Variants in ASAP1 observed in about 807,000 individuals in gnomAD.
The protein encoded by ASAP1 is ArfGAP with SH3 domain, ankyrin repeat and PH domain 1, also known as arf-GAP with SH3 domain, ANK repeat and PH domain-containing protein 1.
A neutral mutation model predicts 145.2 loss-of-function variants in ASAP1; 43 were observed. That is an observed-to-expected ratio of 0.30 (90% CI 0.23 to 0.38). ASAP1 has a LOEUF of 0.38. ASAP1 is among the 10% of genes least tolerant of loss of function. The probability of loss-of-function intolerance (pLI) is 1.00; values close to 1 mark genes in which losing one functional copy is unlikely to be tolerated. For synonymous variants in ASAP1, 546 were observed against 515.5 expected (o/e 1.06, Z -0.80); for missense variants, 1,018 against 1,355.3 (o/e 0.75, Z 3.91).
intron 29 of ASAP1, among the ~76,000 whole-genome samples, chr8:130,055,602 T>A (rs2097402254): frequency 6.6e-6 from 1 of 152,056 alleles, no homozygotes; most frequent in South Asian, 2.1e-4. Context: ...GGAAGAATAC[T>A]GTGAAAGTTT....
chr8:130,407,190 T>A (rs531990961), intron 1 of ASAP1, among the ~76,000 whole-genome samples: 146 of 152,318 alleles, frequency 9.6e-4, no homozygotes, highest in African/African-American at 3.2e-3. Flanking sequence ...TAGAAGAAGC[T>A]GAAACTCAGA....
chr8:130,177,929 T>C (rs1814078639), intron 9 of ASAP1, among the ~76,000 whole-genome samples: 2 of 152,208 alleles, frequency 1.3e-5, no homozygotes, highest in Non-Finnish European at 2.9e-5. Context: ...TGCTACAGAA[T>C]CGTAACCCAG....
chr8:130,144,300 G>A (rs1385964848), intron 13 of ASAP1, among the ~76,000 whole-genome samples: 1 of 152,008 alleles, frequency 6.6e-6, no homozygotes, highest in African/African-American at 2.4e-5. Flanking sequence ...ACAATTTTTT[G>A]AAAAACTGAG....
chr8:130,163,347 T>A (rs373211583), intron 11 of ASAP1, among the ~76,000 whole-genome samples: 2 of 152,360 alleles, frequency 1.3e-5, no homozygotes, highest in African/African-American at 4.8e-5. Context: ...GTTCCTTATA[T>A]ATTTATTACT....
intron 3 of ASAP1, among the ~76,000 whole-genome samples, chr8:130,250,571 T>C (rs898307144): frequency 2.0e-5 from 3 of 152,174 alleles, no homozygotes; most frequent in Non-Finnish European, 4.4e-5. Flanking sequence ...CAATTGTTTA[T>C]TCATCAAAAC....
chr8:130,148,942 C>T (rs1342816172), intron 13 of ASAP1, among the ~76,000 whole-genome samples: 1 of 151,892 alleles, frequency 6.6e-6, no homozygotes, highest in Admixed American at 6.6e-5. Context: ...TCAAGCGATC[C>T]TCCCACTTCA....
rs572465881 is a variant in ASAP1 at position 130,406,337 on chromosome 8, G to A, written c.-27-4367C>T. 2.0e-5 allele frequency among the ~76,000 whole-genome samples: 3 copies of A among 152,298 alleles called. No individual in the cohort carries two copies. In the East Asian group the frequency reaches 5.8e-4, roughly 29 times the overall value. On this transcript the variant is annotated intron_variant, in intron 1 of 29. Transcript: ENST00000518721. Reference sequence around the variant, plus strand: ...GGCACTGGATGATGATGATGATAATGATGATGACAGCTTCCTTGCCAGATC... The same window carrying A: ...GGCACTGGATGATGATGATGATAATAATGATGACAGCTTCCTTGCCAGATC...
intron 11 of ASAP1, among the ~76,000 whole-genome samples, chr8:130,164,946 C>T (rs1185686658): frequency 1.3e-5 from 2 of 152,182 alleles, no homozygotes; most frequent in African/African-American, 2.4e-5. Flanking sequence ...CACATTTAAT[C>T]TCAGTCATGA....
chr8:130,349,836 CA>C (rs1289957032), intron 3 of ASAP1, among the ~76,000 whole-genome samples: 2 of 152,146 alleles, frequency 1.3e-5, no homozygotes, highest in African/African-American at 4.8e-5. Context: ...ACTCAAAAAG[CA>C]ATGTCATTTA....
At chr8:130,229,702 A>C (rs917844224) in intron 4 of ASAP1, among the ~76,000 whole-genome samples, 7 of 152,112 alleles carry the variant, frequency 4.6e-5, no homozygotes, top group Non-Finnish European at 1.0e-4. Context: ...TTTTATATTC[A>C]CCTTTAACAG....
chr8:130,407,353 T>C (rs1178650653), intron 1 of ASAP1, among the ~76,000 whole-genome samples: 1 of 152,210 alleles, frequency 6.6e-6, no homozygotes, highest in Non-Finnish European at 1.5e-5. Flanking sequence ...CATCCCTAAC[T>C]GCCCAGACAC....
chr8:130,242,396 C>T (rs568212468), intron 3 of ASAP1, among the ~76,000 whole-genome samples: 1 of 150,292 alleles, frequency 6.7e-6, no homozygotes, highest in East Asian at 2.0e-4. Context: ...ATGCATTTGT[C>T]CCATAATCGC....
intron 3 of ASAP1, among the ~76,000 whole-genome samples, chr8:130,292,749 A>C (rs184983496): frequency 3.8e-4 from 58 of 152,238 alleles, no homozygotes; most frequent in Admixed American, 3.2e-3. Flanking sequence ...CAAGCTCCCA[A>C]CTTCTTGGAA....
chr8:130,095,887 G>A (rs1002113575), intron 24 of ASAP1, among the ~76,000 whole-genome samples: 2 of 151,550 alleles, frequency 1.3e-5, no homozygotes, highest in Non-Finnish European at 1.5e-5. Flanking sequence ...CCAAAGTACT[G>A]GGATTACAGG....
rs530329170 is a variant in ASAP1 at position 130,063,838 on chromosome 8, C to G, written c.2702-2769G>C. Among the ~76,000 whole-genome samples the G allele has an allele frequency of 3.3e-5, 5 of 152,266 alleles. No individual in the cohort carries two copies. The East Asian group carries it at 9.6e-4, about 29-fold the overall frequency. On this transcript the variant is annotated intron_variant, in intron 27 of 29. Transcript: ENST00000518721. ...AGCACCCTTTCAGGCACTTGGGACACAGCTGATGGAAAGAACTAGGGCCCT... is the reference window on the plus strand; with the variant it reads ...AGCACCCTTTCAGGCACTTGGGACAGAGCTGATGGAAAGAACTAGGGCCCT...
At chr8:130,205,635 C>T (rs1816172515) in intron 5 of ASAP1, among the ~76,000 whole-genome samples, 3 of 127,512 alleles carry the variant, frequency 2.4e-5, no homozygotes, top group Non-Finnish European at 4.7e-5. Flanking sequence ...AATAGCAAAA[C>T]CTGTTCTGAC....
At chr8:130,260,067 T>C (rs1819802141) in intron 3 of ASAP1, among the ~76,000 whole-genome samples, 1 of 152,224 alleles carries the variant, frequency 6.6e-6, no homozygotes, top group Non-Finnish European at 1.5e-5. Flanking sequence ...CATTTATACA[T>C]TGTCCAGTTA....
At chr8:130,266,593 G>A (rs756754790) in intron 3 of ASAP1, among the ~76,000 whole-genome samples, 1 of 151,818 alleles carries the variant, frequency 6.6e-6, no homozygotes. Context: ...TCCTGATAAC[G>A]AGATTACCTT....
chr8:130,129,168 T>C (rs566378455), intron 15 of ASAP1, among the ~76,000 whole-genome samples: 3 of 152,340 alleles, frequency 2.0e-5, no homozygotes, highest in Admixed American at 6.5e-5. Context: ...TCCACCATAA[T>C]TGTAAGTCTC....
Sources: allele counts gnomAD v4.1 joint callset (sites outside exome capture counted in the v4.1 genomes callset), GRCh38; gene constraint gnomAD v4.1.1; transcripts MANE v1.5; gene names NCBI Gene and HGNC (gene_info 2026-07-23, HGNC 2026-07-21).